AKAP10: variants seen among roughly 807,000 people sequenced by gnomAD.
AKAP10 encodes A-kinase anchoring protein 10.
A neutral mutation model predicts 80.8 loss-of-function variants in AKAP10; 24 were observed. That is an observed-to-expected ratio of 0.30 (90% CI 0.22 to 0.42). The LOEUF is 0.42. Ranked by LOEUF, AKAP10 falls within the 10% of genes least tolerant of loss-of-function variation. The pLI is 1.00. For synonymous variants in AKAP10, 291 were observed against 277.7 expected (o/e 1.05, Z -0.48); for missense variants, 661 against 794.9 (o/e 0.83, Z 2.03).
At position 19,977,648 on chromosome 17, in the gene AKAP10, G is replaced by T. The variant is rs1179383866; in HGVS notation, c.32C>A (p.Ser11Tyr). 1 of 1,235,528 alleles carries T rather than the reference G, an allele frequency of 8.1e-7. No individual in the cohort carries two copies. Among genetic ancestry groups the T allele is most frequent in the South Asian group, 4.1e-5 (1 of 24,384 alleles). 76.5% of individuals were successfully genotyped at this position (1,235,528 alleles called of 1,614,324 possible). A position where few individuals can be genotyped will look rare whatever the true frequency, so the allele number is the denominator to read the frequency against. MRGAGPSPRQ[S>Y]PRTLRPDPGP... ...CGGGTCGGGACGGAGGGTGCGGGGGGACTGGCGCGGGGAGGGCCCGGCTCC... is the reference window on the plus strand; with the variant it reads ...CGGGTCGGGACGGAGGGTGCGGGGGTACTGGCGCGGGGAGGGCCCGGCTCC... Residue 11 changes from serine to tyrosine, a missense_variant, in exon 1 of 15, where the codon TCC becomes TAC. Ser to Tyr is a moderately radical substitution (Grantham distance 144). Coordinates refer to ENST00000225737, the MANE Select transcript of AKAP10 (RefSeq NM_007202.4).
intron 4 of AKAP10, among the ~76,000 whole-genome samples, chr17:19,948,236 T>G (rs1404670509): frequency 6.6e-6 from 1 of 152,142 alleles, no homozygotes; most frequent in Non-Finnish European, 1.5e-5. Flanking sequence ...GCAGGTGGAC[T>G]GAGAAAAGTA....
chr17:19,971,157 G>GTA (rs1320578166), intron 1 of AKAP10, among the ~76,000 whole-genome samples: 5 of 151,776 alleles, frequency 3.3e-5, no homozygotes, highest in Non-Finnish European at 5.9e-5. Context: ...AGCCAAACGT[G>GTA]TATATATATA....
chr17:19,972,613 G>A lies in AKAP10; in HGVS notation c.89-4152C>T, dbSNP rs1238051349. Among the ~76,000 whole-genome samples, 9 of 151,980 alleles carry A rather than the reference G, an allele frequency of 5.9e-5. No homozygotes were observed. The East Asian group carries it at 1.4e-3, about 23-fold the overall frequency. ...TGGGACTACAGGCGCCCGCCACCAC[G>A]CCCGGCTAATGTTTTGTATTTTTAG... On this transcript the variant is annotated intron_variant, in intron 1 of 14. Coordinates refer to ENST00000225737, the MANE Select transcript of AKAP10 (RefSeq NM_007202.4).
At chr17:19,971,597 A>G (rs890524524) in intron 1 of AKAP10, among the ~76,000 whole-genome samples, 2 of 152,158 alleles carry the variant, frequency 1.3e-5, no homozygotes, top group Non-Finnish European at 1.5e-5. Flanking sequence ...CTATTGAACC[A>G]GTTCTAGTTC....
intron 1 of AKAP10, among the ~76,000 whole-genome samples, chr17:19,972,754 G>A (rs750185809): frequency 2.6e-5 from 4 of 152,086 alleles, no homozygotes; most frequent in African/African-American, 4.8e-5. Context: ...CGCGCTTGGC[G>A]AAAGTTTTAA....
At chr17:19,931,242 A>G (rs2152412860) in intron 10 of AKAP10, among the ~76,000 whole-genome samples, 1 of 152,322 alleles carries the variant, frequency 6.6e-6, no homozygotes, top group Admixed American at 6.5e-5. Flanking sequence ...AATATATTCC[A>G]TATTACTTGA....
At chr17:19,940,801 T>C (rs1271210894) in intron 7 of AKAP10, 86 bp downstream of exon 7, 3 of 1,409,738 alleles carry the variant, frequency 2.1e-6, no homozygotes, top group Non-Finnish European at 2.8e-6. Context: ...GGCTCTTCTG[T>C]GTTATTTCCT....
chr17:19,917,643 A>G (rs1444193240), intron 12 of AKAP10, among the ~76,000 whole-genome samples: 1 of 152,140 alleles, frequency 6.6e-6, no homozygotes, highest in African/African-American at 2.4e-5. Flanking sequence ...GCAGCCCCCA[A>G]TATTGTTCTT....
chr17:19,950,702 C>G (rs112944134), intron 4 of AKAP10, among the ~76,000 whole-genome samples: 1 of 152,062 alleles, frequency 6.6e-6, no homozygotes, highest in African/African-American at 2.4e-5. Context: ...CCCAAAGTGC[C>G]GAGATTGCAG....
chr17:19,924,447 C>T lies in AKAP10; in HGVS notation c.1712G>A (p.Ser571Asn). The change falls in exon 11 of 15, where the codon AGT (serine) becomes AAT (asparagine). Residue 571 changes from serine to asparagine, a missense_variant. Coordinates refer to ENST00000225737, the MANE Select transcript of AKAP10 (RefSeq NM_007202.4). ...TTGATATAAAGATTCTGGATCCAGA[C>T]TTGCCGCATCCACAATTATCGCTTC... The part of the protein sequence containing the change: ...FDEAIIVDAA[S>N]LDPESLYQRT... 2 of 1,607,588 alleles carry T rather than the reference C, an allele frequency of 1.2e-6. No individual in the cohort carries two copies. Among genetic ancestry groups the T allele is most frequent in the South Asian group, 1.1e-5 (1 of 89,914 alleles).
chr17:19,939,993 G>A (rs2043035577), intron 7 of AKAP10, 144 bp from the exon 8 acceptor site: 1 of 883,956 alleles, frequency 1.1e-6, no homozygotes, highest in African/African-American at 1.7e-5. Context: ...CTGTCAGCAA[G>A]TTACAGTCAT....
chr17:19,908,632 A>G (rs2042657164), intron 14 of AKAP10, among the ~76,000 whole-genome samples: 1 of 151,890 alleles, frequency 6.6e-6, no homozygotes, highest in Non-Finnish European at 1.5e-5. Flanking sequence ...ACTCAAATTG[A>G]GCTCTCTGAA....
At chr17:19,949,409 TAACAA>T (rs1197445195) in intron 4 of AKAP10, among the ~76,000 whole-genome samples, 1 of 151,870 alleles carries the variant, frequency 6.6e-6, no homozygotes, top group African/African-American at 2.4e-5. Context: ...TGCCAAACAA[TAACAA>T]AACTAACATT....
At chr17:19,933,862 C>T in intron 9 of AKAP10, among the ~76,000 whole-genome samples, 1 of 152,124 alleles carries the variant, frequency 6.6e-6, no homozygotes, top group East Asian at 1.9e-4. Flanking sequence ...GAAAAATCTC[C>T]TCTAGTTCAT....
At chr17:19,938,454 C>T (rs1435711690) in intron 8 of AKAP10, among the ~76,000 whole-genome samples, 1 of 151,712 alleles carries the variant, frequency 6.6e-6, no homozygotes, top group East Asian at 1.9e-4. Context: ...CCAGGCTGGT[C>T]TTGAACGCCT....
chr17:19,952,812 GA>G (rs1396743218), intron 4 of AKAP10, among the ~76,000 whole-genome samples: 1 of 150,364 alleles, frequency 6.7e-6, no homozygotes, highest in Non-Finnish European at 1.5e-5. Flanking sequence ...AGTAAAATTG[GA>G]AAAAAAAATT....
chr17:19,963,342 A>G (rs1348967893), intron 2 of AKAP10, among the ~76,000 whole-genome samples: 1 of 151,546 alleles, frequency 6.6e-6, no homozygotes, highest in African/African-American at 2.4e-5. Flanking sequence ...CAGCCTCCCA[A>G]GTAGCCAGGA....
intron 1 of AKAP10, among the ~76,000 whole-genome samples, chr17:19,975,170 G>A (rs1258405432): frequency 6.6e-6 from 1 of 152,124 alleles, no homozygotes; most frequent in Non-Finnish European, 1.5e-5. Context: ...GGGACCACAG[G>A]TGTGCACCAT....
chr17:19,940,139 T>C (rs544516526), intron 7 of AKAP10, among the ~76,000 whole-genome samples: 17 of 152,334 alleles, frequency 1.1e-4, no homozygotes, highest in African/African-American at 4.1e-4. Context: ...TGTGGTTCCT[T>C]GCCAGCAAAC....
Sources: allele counts gnomAD v4.1 joint callset (sites outside exome capture counted in the v4.1 genomes callset), GRCh38; gene constraint gnomAD v4.1.1; transcripts MANE v1.5; gene names NCBI Gene and HGNC (gene_info 2026-07-23, HGNC 2026-07-21).